Variants in EXOC4 observed in about 807,000 individuals in gnomAD.
EXOC4 encodes the protein SEC8-like 1.
Under a neutral mutation model 107.2 loss-of-function variants are expected in EXOC4, and 71 were observed. That is an observed-to-expected ratio of 0.66 (90% CI 0.55 to 0.81). The LOEUF (loss-of-function observed/expected upper bound fraction) is 0.81, where lower values mean the gene tolerates loss of function less well. Ranked by LOEUF, EXOC4 falls within the 30% of genes least tolerant of loss-of-function variation. EXOC4 has a pLI of 0.00. For missense variants in EXOC4, 1,108 were observed against 1,189.6 expected (o/e 0.93, Z 1.01); for synonymous variants, 456 against 441.2 (o/e 1.03, Z -0.42).
intron 10 of EXOC4, among the ~76,000 whole-genome samples, chr7:133,795,173 A>G (rs1796789035): frequency 6.6e-6 from 1 of 152,200 alleles, no homozygotes; most frequent in Admixed American, 6.5e-5. Flanking sequence ...ACACTTGGAA[A>G]AGAGAGAACA....
intron 10 of EXOC4, among the ~76,000 whole-genome samples, chr7:133,703,098 T>TC (rs1794700033): frequency 6.6e-6 from 1 of 152,228 alleles, no homozygotes; most frequent in Non-Finnish European, 1.5e-5. Context: ...GACTTTTTTT[T>TC]CTCACTTGAC....
chr7:133,712,757 GGA>G (rs1485598948), intron 10 of EXOC4, among the ~76,000 whole-genome samples: 3 of 152,152 alleles, frequency 2.0e-5, no homozygotes, highest in Non-Finnish European at 4.4e-5. Context: ...TCCATATAGT[GGA>G]GTATTATTCA....
intron 9 of EXOC4, among the ~76,000 whole-genome samples, chr7:133,629,563 C>T (rs531899358): frequency 8.9e-5 from 6 of 67,160 alleles, no homozygotes; most frequent in East Asian, 4.4e-4. Flanking sequence ...TGTTTTGAGA[C>T]GGAGTCTCGC....
chr7:134,046,106 A>T lies in EXOC4; in HGVS notation c.2688-18185A>T, dbSNP rs527793769. ...GGCATACACACAGTAAACTGCACAG[A>T]TCTTAAGTACACAGCTTGATTCCTC... On this transcript the variant is annotated intron_variant, in intron 17 of 17. Coordinates refer to ENST00000253861, the MANE Select transcript of EXOC4 (RefSeq NM_021807.4). Among the ~76,000 whole-genome samples the T allele has an allele frequency of 2.0e-5, 3 of 152,296 alleles. No individual in the cohort carries two copies. In the South Asian group the frequency reaches 6.2e-4, roughly 32 times the overall value.
intron 11 of EXOC4, among the ~76,000 whole-genome samples, chr7:133,878,744 G>A (rs983869832): frequency 3.9e-5 from 6 of 152,056 alleles, no homozygotes; most frequent in East Asian, 3.9e-4. Flanking sequence ...TTGTTTTTGA[G>A]ACGAAGTCTT....
In EXOC4 at chr7:133,881,616, G is replaced by A. The variant is rs1056276759; in HGVS notation, c.1735-13983G>A. On this transcript the variant is annotated intron_variant, in intron 11 of 17. Transcript: ENST00000253861. ...ATCTTGCTAGTATCTAAGATTGTTG[G>A]AGGGCAAGAATCTTATCTGGCTTTG... 3.3e-5 allele frequency among the ~76,000 whole-genome samples: 5 copies of A among 151,976 alleles called. 1 individual carries two copies. Among genetic ancestry groups the A allele is most frequent in the Non-Finnish European group, 7.4e-5 (5 of 68,022 alleles).
At chr7:133,253,262 AGCTGGGTCCCAC>A in intron 1 of EXOC4, 75 bp downstream of exon 1, 1 of 1,553,262 alleles carries the variant, frequency 6.4e-7, no homozygotes, top group Non-Finnish European at 8.8e-7. Flanking sequence ...GAGAAGGGTT[AGCTGGGTCCCAC>A]CCTGCTCTCC....
chr7:133,386,998 GT>G, intron 7 of EXOC4, among the ~76,000 whole-genome samples: 1 of 152,240 alleles, frequency 6.6e-6, no homozygotes, highest in South Asian at 2.1e-4. Flanking sequence ...TCTGGATTCT[GT>G]TATCCTATTC....
intron 17 of EXOC4, chr7:134,008,055 G>T: frequency 2.2e-6 from 1 of 458,218 alleles, no homozygotes; most frequent in Non-Finnish European, 3.8e-6. Context: ...TCTAACCCAA[G>T]TTCTTCTTAA....
rs1797392547 is a variant in EXOC4, at chr7:133,817,196, G to T, written c.1515-129G>T. ...TTTACAAGATTAAAAATTATATAGA[G>T]ATGAGTATTATTGATGACCTGCCCT... On this transcript the variant is annotated intron_variant, in intron 10 of 17. Transcript: ENST00000253861. 9.8e-6 allele frequency: 6 copies of T among 611,354 alleles called. No homozygotes were observed. In the South Asian group the frequency reaches 1.3e-4, roughly 13 times the overall value. The allele number at this position is 611,354 out of a possible 1,614,324, so 37.9% of individuals were successfully genotyped here.
chr7:134,071,678 C>T, the EXOC4 span, among the ~76,000 whole-genome samples: 940 of 152,310 alleles, frequency 6.2e-3, 15 homozygotes, highest in African/African-American at 0.021. Context: ...TATTATCATC[C>T]TTGCTTTAAA....
intron 17 of EXOC4, among the ~76,000 whole-genome samples, chr7:134,038,152 A>G (rs1795434706): frequency 6.6e-6 from 1 of 152,222 alleles, no homozygotes. Context: ...TATCGATTGT[A>G]TAAGGATTAG....
intron 11 of EXOC4, among the ~76,000 whole-genome samples, chr7:133,868,136 A>G (rs1370616890): frequency 6.6e-6 from 1 of 152,192 alleles, no homozygotes; most frequent in Non-Finnish European, 1.5e-5. Flanking sequence ...GGAGTTCTTT[A>G]CCTTTTATTT....
Position 133,700,541 on chromosome 7 carries a change from C to A in EXOC4, c.1514+70400C>A, listed in dbSNP as rs75943862. 5.3e-3 allele frequency among the ~76,000 whole-genome samples: 814 copies of A among 152,196 alleles called. 8 individuals carry two copies. Among genetic ancestry groups the A allele is most frequent in the African/African-American group, 0.018 (758 of 41,530 alleles). On this transcript the variant is annotated intron_variant, in intron 10 of 17. Coordinates refer to ENST00000253861, the MANE Select transcript of EXOC4 (RefSeq NM_021807.4). The stretch of plus-strand genomic sequence containing the variant: ...TTCCATTTATTCATTAGCAAGGGGG[C>A]TATCTGAGGAGACACATGGTCAAAT...
At chr7:133,579,238 C>A (rs1288062598) in intron 9 of EXOC4, among the ~76,000 whole-genome samples, 1 of 152,112 alleles carries the variant, frequency 6.6e-6, no homozygotes, top group Non-Finnish European at 1.5e-5. Context: ...TGAAGGGATA[C>A]TTTAGCATAG....
chr7:133,967,496 T>TA (rs1299430834), intron 14 of EXOC4, among the ~76,000 whole-genome samples: 17 of 152,246 alleles, frequency 1.1e-4, no homozygotes, highest in African/African-American at 4.1e-4. Context: ...AACACTGCTT[T>TA]AGCTGTGTCT....
rs942028666 is a variant in EXOC4 at position 133,418,805 on chromosome 7, T to C, written c.1182+43803T>C. On this transcript the variant is annotated intron_variant, in intron 7 of 17. Coordinates refer to ENST00000253861, the MANE Select transcript of EXOC4 (RefSeq NM_021807.4). The stretch of plus-strand genomic sequence containing the variant: ...CATATCCTCTGACGCTGGGAGACCA[T>C]TGTAATTGATTGGTCAGGTATTTTA... 3.3e-5 allele frequency among the ~76,000 whole-genome samples: 5 copies of C among 152,304 alleles called. No individual in the cohort carries two copies. The Middle Eastern group carries it at 0.01, about 311-fold the overall frequency.
chr7:133,439,897 T>C (rs1189086811), intron 7 of EXOC4, among the ~76,000 whole-genome samples: 2 of 152,188 alleles, frequency 1.3e-5, no homozygotes, highest in African/African-American at 4.8e-5. Context: ...CTATAACTCA[T>C]TGGGTAACTC....
At chr7:133,532,321 A>C (rs1223304700) in intron 9 of EXOC4, among the ~76,000 whole-genome samples, 1 of 152,066 alleles carries the variant, frequency 6.6e-6, no homozygotes, top group South Asian at 2.1e-4. Context: ...TAGAAACGTA[A>C]AAGGAGGGAT....
Sources: gnomAD v4.1 joint callset for allele counts (sites outside exome capture counted in the v4.1 genomes callset) on GRCh38, gnomAD v4.1.1 for gene constraint, MANE v1.5 for transcripts, NCBI Gene and HGNC (gene_info 2026-07-23, HGNC 2026-07-21) for gene names.